COX20: variants seen among roughly 807,000 people sequenced by gnomAD.
COX20 encodes the protein cytochrome c oxidase assembly protein COX20, mitochondrial.
A neutral mutation model predicts 14.3 loss-of-function variants in COX20; 14 were observed. The ratio of observed to expected loss-of-function variants is 0.98; its 90% CI spans 0.65 to 1.53. The LOEUF is 1.53. Ranked by LOEUF, COX20 falls within the 40% of genes most tolerant of loss-of-function variation. The pLI, the probability that COX20 is intolerant of heterozygous loss-of-function variation, is 0.00. For synonymous variants in COX20, 56 were observed against 51.7 expected (o/e 1.08, Z -0.36); for missense variants, 149 against 142.1 (o/e 1.05, Z -0.25).
intron 1 of COX20, chr1:244,836,589 C>A: frequency 7.4e-7 from 1 of 1,345,244 alleles, no homozygotes; most frequent in Non-Finnish European, 1.0e-6. Context: ...AATTTATATC[C>A]TCAGGGCAGA....
rs919425972 is a variant in COX20, at chr1:244,843,743, G to C, written c.*567G>C. On this transcript the variant is annotated 3_prime_UTR_variant, in exon 4 of 4. Transcript: ENST00000411948. ...TAAACATTTTTGGGGAAGTATGCAG[G>C]GTTTAAATTTTTAAGTATAATTAGT... 1 of 152,200 alleles carries C rather than the reference G, an allele frequency of 6.6e-6. No individual in the cohort carries two copies. Among genetic ancestry groups the C allele is most frequent in the Non-Finnish European group, 1.5e-5 (1 of 68,006 alleles). The allele number at this position is 152,200 out of a possible 1,614,324, so 9.4% of individuals were successfully genotyped here. A position where few individuals can be genotyped will look rare whatever the true frequency, so the allele number is the denominator to read the frequency against.
chr1:244,841,921 T>C (rs778400693), intron 1 of COX20, 23 bp from the exon 2 acceptor site: 3 of 1,396,908 alleles, frequency 2.1e-6, no homozygotes, highest in South Asian at 2.4e-5. Flanking sequence ...TTACTCAATC[T>C]AGGTTCTTTT....
rs750269775 is a variant in COX20, at chr1:244,842,246, C to T, written c.209C>T (p.Thr70Ile). The T allele has an allele frequency of 6.2e-7, 1 of 1,604,948 alleles. No individual in the cohort carries two copies. The highest frequency in any genetic ancestry group is 1.1e-5 in the South Asian group (1 of 90,864). Residue 70 changes from threonine to isoleucine, a missense_variant, in exon 3 of 4, where the codon ACT (threonine) becomes ATT (isoleucine). Coordinates refer to ENST00000411948, the MANE Select transcript of COX20 (RefSeq NM_198076.6). ...DVGVGGFILV[T>I]LGCWFHCRYN... Reference sequence around the variant, plus strand: ...GGAGTAGGAGGGTTTATCTTGGTGACTTTGGGATGCTGGTATGTTTGCTAA... The same window carrying T: ...GGAGTAGGAGGGTTTATCTTGGTGATTTTGGGATGCTGGTATGTTTGCTAA...
At chr1:244,842,530 T>C (rs569134727) in intron 3 of COX20, 9 of 401,536 alleles carry the variant, frequency 2.2e-5, no homozygotes, top group Middle Eastern at 7.3e-4. Context: ...TCATCCCTGC[T>C]TATTCATATC....
Position 244,843,187 on chromosome 1 carries a change from G to C in COX20, c.*11G>C. On this transcript the variant is annotated 3_prime_UTR_variant, in exon 4 of 4. Transcript: ENST00000411948. Reference sequence around the variant, plus strand: ...AGCAGCAGCAATTGAACAATCTTGAGCATAGAAGTCAATGTAAACGAAGTT... The same window carrying C: ...AGCAGCAGCAATTGAACAATCTTGACCATAGAAGTCAATGTAAACGAAGTT... 1.9e-6 allele frequency: 3 copies of C among 1,557,110 alleles called. No homozygotes were observed. Among genetic ancestry groups the C allele is most frequent in the Non-Finnish European group, 2.6e-6 (3 of 1,159,658 alleles).
At chr1:244,842,700 A>T (rs1290440582) in intron 3 of COX20, 1 of 237,232 alleles carries the variant, frequency 4.2e-6, no homozygotes, top group Non-Finnish European at 8.1e-6. Flanking sequence ...AGGTGGTAGA[A>T]ATCATTTTAT....
chr1:244,836,268 C>T (rs999511571), intron 1 of COX20, among the ~76,000 whole-genome samples: 13 of 152,202 alleles, frequency 8.5e-5, no homozygotes, highest in Non-Finnish European at 1.9e-4. Flanking sequence ...TCCATACTCT[C>T]CTGAATCCAC....
rs1452077193 is a variant in COX20 at position 244,844,595 on chromosome 1, TAAA to T, written c.*1422_*1424del. 1.3e-5 allele frequency: 2 copies of T among 152,126 alleles called. No homozygotes were observed. Among genetic ancestry groups the T allele is most frequent in the African/African-American group, 2.4e-5 (1 of 41,408 alleles). 9.4% of individuals were successfully genotyped at this position (152,126 alleles called of 1,614,324 possible). On this transcript the variant is annotated 3_prime_UTR_variant, in exon 4 of 4. Coordinates refer to ENST00000411948, the MANE Select transcript of COX20 (RefSeq NM_198076.6). ...CAACAGGGTGAAACCCTGTCTCGTC[TAAA>T]AATACAAAAATTAGCCGGGCGTGGT...
intron 1 of COX20, among the ~76,000 whole-genome samples, chr1:244,838,141 C>G (rs781545072): frequency 6.6e-6 from 1 of 152,110 alleles, no homozygotes; most frequent in Non-Finnish European, 1.5e-5. Context: ...GTGGATCCTT[C>G]CAGACTTGCT....
In COX20 at chr1:244,842,000, A is replaced by G. The variant is rs1680219964; in HGVS notation, c.99A>G (p.Ser33=). ...DVENTPCARH[S]ILYGSLGSVV... The stretch of plus-strand genomic sequence containing the variant: ...AAAATACTCCCTGCGCCCGGCATTC[A>G]ATATTGTATGGTTCATTAGGATCTG... The change falls in exon 2 of 4, where the codon TCA becomes TCG. Residue 33 remains serine (S), a synonymous_variant. Coordinates refer to ENST00000411948, the MANE Select transcript of COX20 (RefSeq NM_198076.6). 3 of 1,612,248 alleles carry G rather than the reference A, an allele frequency of 1.9e-6. No homozygotes were observed. Among genetic ancestry groups the G allele is most frequent in the Non-Finnish European group, 2.5e-6 (3 of 1,178,868 alleles).
At chr1:244,841,295 C>T (rs1174028356) in intron 1 of COX20, 2 of 152,182 alleles carry the variant, frequency 1.3e-5, no homozygotes, top group African/African-American at 2.4e-5. Flanking sequence ...TTTGGATCCC[C>T]GCGTTTTTCA....
chr1:244,840,978 C>T (rs1680178217), intron 1 of COX20: 1 of 152,144 alleles, frequency 6.6e-6, no homozygotes, highest in African/African-American at 2.4e-5. Flanking sequence ...TTTATATACA[C>T]TTAAATCAAG....
rs1287502401 is a variant in COX20 at position 244,843,818 on chromosome 1, G to A, written c.*642G>A. ...ACTTGTCTGGCAGACTGATGCAATA[G>A]TAAAACAACTGCAGAATTACTATTA... On this transcript the variant is annotated 3_prime_UTR_variant, in exon 4 of 4. Transcript: ENST00000411948. The A allele has an allele frequency of 6.6e-6, 1 of 152,148 alleles. No individual in the cohort carries two copies. The highest frequency in any genetic ancestry group is 2.4e-5 in the African/African-American group (1 of 41,432). 9.4% of individuals were successfully genotyped at this position (152,148 alleles called of 1,614,324 possible). A position where few individuals can be genotyped will look rare whatever the true frequency, so the allele number is the denominator to read the frequency against.
intron 1 of COX20, among the ~76,000 whole-genome samples, chr1:244,838,439 G>A (rs565632069): frequency 6.6e-6 from 1 of 152,288 alleles, no homozygotes; most frequent in South Asian, 2.1e-4. Context: ...GATTCCAAAG[G>A]AGTTAAGAGT....
At chr1:244,842,981 CATAA>C in intron 3 of COX20, 56 bp from the exon 4 acceptor site, 1 of 1,259,162 alleles carries the variant, frequency 7.9e-7, no homozygotes, top group Non-Finnish European at 1.1e-6. Flanking sequence ...AGAGAAATTT[CATAA>C]ATTAATTTCT....
chr1:244,839,610 C>G (rs1179444514), intron 1 of COX20: 1 of 152,114 alleles, frequency 6.6e-6, no homozygotes, highest in Admixed American at 6.6e-5. Context: ...ATCCTTTATT[C>G]ATCTCCACTT....
At chr1:244,837,388 CAG>C (rs1375562344) in intron 1 of COX20, among the ~76,000 whole-genome samples, 1 of 152,074 alleles carries the variant, frequency 6.6e-6, no homozygotes, top group Non-Finnish European at 1.5e-5. Context: ...AAGAATTTGT[CAG>C]TGATCATTCC....
Position 244,842,238 on chromosome 1 carries a change from C to T in COX20, c.201C>T (p.Ile67=), listed in dbSNP as rs1381115775. The T allele has an allele frequency of 2.5e-6, 4 of 1,608,366 alleles. No homozygotes were observed. The highest frequency in any genetic ancestry group is 1.1e-5 in the South Asian group (1 of 90,910). ...GTGATGTTGGAGTAGGAGGGTTTAT[C>T]TTGGTGACTTTGGGATGCTGGTATG... ...RSCDVGVGGF[I]LVTLGCWFHC... Residue 67 remains isoleucine (I), a synonymous_variant, in exon 3 of 4, where the codon ATC becomes ATT. Transcript: ENST00000411948.
chr1:244,841,236 C>T (rs1348178331), intron 1 of COX20: 2 of 152,138 alleles, frequency 1.3e-5, no homozygotes, highest in Non-Finnish European at 2.9e-5. Context: ...ATAAAAGTAG[C>T]CTATAGGATA....
Sources: allele counts gnomAD v4.1 joint callset (sites outside exome capture counted in the v4.1 genomes callset), GRCh38; gene constraint gnomAD v4.1.1; transcripts MANE v1.5; gene names NCBI Gene and HGNC (gene_info 2026-07-23, HGNC 2026-07-21).